The following CELF2 variants were observed in gnomAD, a reference collection of about 807,000 sequenced individuals.
CELF2 encodes CUGBP Elav-like family member 2.
CELF2 carries 8 observed loss-of-function variants against 62.6 expected under a neutral mutation model. That is an observed-to-expected ratio of 0.13 (90% CI 0.07 to 0.23). CELF2 has a LOEUF of 0.23. CELF2 is among the 10% of genes least tolerant of loss of function. The pLI, the probability that CELF2 is intolerant of heterozygous loss-of-function variation, is 1.00. For synonymous variants in CELF2, 258 were observed against 250.0 expected (o/e 1.03, Z -0.30); for missense variants, 333 against 671.0 (o/e 0.50, Z 5.56).
chr10:10,815,152 G>A (rs1366774239), intron 1 of CELF2, among the ~76,000 whole-genome samples: 2 of 152,144 alleles, frequency 1.3e-5, no homozygotes, highest in South Asian at 2.1e-4. Context: ...TTCCTGGTGG[G>A]TGTAAAACCC....
In CELF2 at chr10:11,039,620, G is replaced by T. The variant is rs1040479159; in HGVS notation, c.74+21457G>T. The stretch of plus-strand genomic sequence containing the variant: ...TGCATGTTACTGAAAACAAGTTCTT[G>T]AGTCACAGTTTAAGGTTCCATTTAA... On this transcript the variant is annotated intron_variant, in intron 1 of 12. Coordinates refer to ENST00000633077, the MANE Select transcript of CELF2 (RefSeq NM_001326342.2). The surrounding 1 kb of genome is among the most constrained non-coding windows in gnomAD (Gnocchi z 4.1). Among the ~76,000 whole-genome samples, 7 of 152,122 alleles carry T rather than the reference G, an allele frequency of 4.6e-5. No individual in the cohort carries two copies. Among genetic ancestry groups the T allele is most frequent in the African/African-American group, 1.7e-4 (7 of 41,406 alleles).
intron 1 of CELF2, among the ~76,000 whole-genome samples, chr10:10,902,436 C>T (rs2063004989): frequency 6.6e-6 from 1 of 152,216 alleles, no homozygotes; most frequent in Non-Finnish European, 1.5e-5. Context: ...GATGTTTATA[C>T]AGGCAACACC....
chr10:11,007,246 G>A (rs1437420575), intron 1 of CELF2, among the ~76,000 whole-genome samples: 1 of 152,084 alleles, frequency 6.6e-6, no homozygotes, highest in Non-Finnish European at 1.5e-5. Flanking sequence ...TTCCCTATTG[G>A]ATTATATTTT....
chr10:11,320,288 C>G (rs2095358048), intron 10 of CELF2, among the ~76,000 whole-genome samples: 1 of 152,170 alleles, frequency 6.6e-6, no homozygotes, highest in African/African-American at 2.4e-5. Flanking sequence ...ATCGAGTCTA[C>G]TGGCCACCAT....
the CELF2 span, among the ~76,000 whole-genome samples, chr10:10,761,970 A>G: frequency 6.7e-6 from 1 of 150,216 alleles, no homozygotes; most frequent in Non-Finnish European, 1.5e-5. Context: ...AGATATGTAG[A>G]TGATCTCCTA....
At chr10:10,521,985 A>G in the CELF2 span, among the ~76,000 whole-genome samples, 1 of 152,184 alleles carries the variant, frequency 6.6e-6, no homozygotes, top group Non-Finnish European at 1.5e-5. Context: ...GGCTGCAGCT[A>G]ATGAGCAAGG....
intron 1 of CELF2, among the ~76,000 whole-genome samples, chr10:11,082,745 C>T (rs2074358414): frequency 1.3e-5 from 2 of 152,212 alleles, no homozygotes; most frequent in African/African-American, 4.8e-5. Flanking sequence ...GAAGTCCATG[C>T]TGTCTGTGAG....
rs398074935 is a variant in CELF2 at position 11,305,063 on chromosome 10, C to CT, written c.977-9076_977-9075insT. Among the ~76,000 whole-genome samples the CT allele has an allele frequency of 6.6e-6, 1 of 151,382 alleles. No individual in the cohort carries two copies. The highest frequency in any genetic ancestry group is 1.5e-5 in the Non-Finnish European group (1 of 67,764). On this transcript the variant is annotated intron_variant, in intron 9 of 12. Coordinates refer to ENST00000633077, the MANE Select transcript of CELF2 (RefSeq NM_001326342.2). This position sits in a 1 kb window ranked among gnomAD's most constrained non-coding sequence, Gnocchi z 4.8. ...GCATCTTCTGGTTCAACTCGGTGCC[C>CT]CTCCTCCAGCCCTGGCCCAGTGGAT...
At chr10:11,034,109 A>G (rs764433034) in intron 1 of CELF2, among the ~76,000 whole-genome samples, 3 of 152,252 alleles carry the variant, frequency 2.0e-5, no homozygotes, top group Non-Finnish European at 4.4e-5. Flanking sequence ...TAGTTGTTAG[A>G]TTACAAGCTT....
intron 2 of CELF2, among the ~76,000 whole-genome samples, chr10:10,968,143 G>A (rs1333916359): frequency 2.0e-5 from 3 of 152,076 alleles, no homozygotes; most frequent in South Asian, 4.1e-4. Flanking sequence ...GCACAGGGTT[G>A]GCCACCAGAG....
intron 2 of CELF2, among the ~76,000 whole-genome samples, chr10:10,978,112 G>C (rs139674336): frequency 6.6e-6 from 1 of 151,384 alleles, no homozygotes; most frequent in East Asian, 1.9e-4. Flanking sequence ...AGATTTACAG[G>C]AATGTGTCTA....
the CELF2 span, among the ~76,000 whole-genome samples, chr10:10,554,748 C>G: frequency 6.6e-6 from 1 of 152,144 alleles, no homozygotes; most frequent in African/African-American, 2.4e-5. Context: ...CAATTAAGTT[C>G]ACTGTGTTTG....
chr10:11,014,897 G>A (rs2137621284), upstream of CELF2, among the ~76,000 whole-genome samples: 1 of 152,288 alleles, frequency 6.6e-6, no homozygotes, highest in African/African-American at 2.4e-5. Context: ...AAGAGCTTAA[G>A]GTTTTTCCAC....
the CELF2 span, among the ~76,000 whole-genome samples, chr10:10,500,376 T>C: frequency 1.3e-5 from 2 of 152,216 alleles, no homozygotes; most frequent in Non-Finnish European, 2.9e-5. Context: ...TCTTGAATCG[T>C]AGCTTCTACA....
At chr10:10,808,404 C>G (rs1371752667) in intron 1 of CELF2, among the ~76,000 whole-genome samples, 1 of 152,126 alleles carries the variant, frequency 6.6e-6, no homozygotes, top group Admixed American at 6.5e-5. Context: ...TTTAACATCT[C>G]TTTTTTTAAC....
At chr10:11,121,947 G>A (rs1032772180) in intron 1 of CELF2, among the ~76,000 whole-genome samples, 2 of 152,112 alleles carry the variant, frequency 1.3e-5, no homozygotes, top group African/African-American at 4.8e-5. Flanking sequence ...CTGATGAGGG[G>A]CTTTATTTTG....
In CELF2 at chr10:11,211,482, A is replaced by G. The variant is rs749262622; in HGVS notation, c.272-5943A>G. On this transcript the variant is annotated intron_variant, in intron 2 of 12. Coordinates refer to ENST00000633077, the MANE Select transcript of CELF2 (RefSeq NM_001326342.2). The surrounding 1 kb of genome is among the most constrained non-coding windows in gnomAD (Gnocchi z 4.8). ...CATTGTCTAGAGTGGTGTCTACATT[A>G]CCTCCACACTGAAAAATATAAATAC... Among the ~76,000 whole-genome samples, 1 of 152,146 alleles carries G rather than the reference A, an allele frequency of 6.6e-6. No homozygotes were observed. The highest frequency in any genetic ancestry group is 2.4e-5 in the African/African-American group (1 of 41,412).
chr10:10,686,758 C>G, the CELF2 span, among the ~76,000 whole-genome samples: 2 of 152,132 alleles, frequency 1.3e-5, no homozygotes, highest in Non-Finnish European at 2.9e-5. Context: ...TCAATTAAAC[C>G]TCTTTTCTTT....
intron 1 of CELF2, among the ~76,000 whole-genome samples, chr10:10,828,000 T>TAAA (rs66721705): frequency 0.26 from 15,585 of 60,042 alleles, 2,309 homozygotes; most frequent in Non-Finnish European, 0.32. Flanking sequence ...AGGCTAGTCT[T>TAAA]AAAAAAAAAA....
Sources: gnomAD v4.1 joint callset for allele counts (sites outside exome capture counted in the v4.1 genomes callset) on GRCh38, gnomAD v4.1.1 for gene constraint, Gnocchi (gnomAD v3.1) non-coding constraint, MANE v1.5 for transcripts, NCBI Gene and HGNC (gene_info 2026-07-23, HGNC 2026-07-21) for gene names.